AGFG1: variants seen among roughly 807,000 people sequenced by gnomAD.
AGFG1 encodes ArfGAP with FG repeats 1.
AGFG1 carries 10 observed loss-of-function variants against 60.6 expected under a neutral mutation model. The observed-to-expected ratio is 0.16, with a 90% CI of 0.10 to 0.28. The LOEUF is 0.28. Ranked by LOEUF, AGFG1 falls within the 10% of genes least tolerant of loss-of-function variation. AGFG1 has a pLI of 1.00. For synonymous variants in AGFG1, 247 were observed against 242.9 expected (o/e 1.02, Z -0.16); for missense variants, 537 against 676.5 (o/e 0.79, Z 2.29).
At chr2:227,545,392 G>A (rs1013246327) in intron 10 of AGFG1, among the ~76,000 whole-genome samples, 2 of 152,186 alleles carry the variant, frequency 1.3e-5, no homozygotes, top group African/African-American at 4.8e-5. Context: ...GCTTCCTTGC[G>A]ATAGGTTTGA....
intron 3 of AGFG1, among the ~76,000 whole-genome samples, chr2:227,522,169 C>G (rs1238252957): frequency 1.3e-5 from 2 of 152,112 alleles, no homozygotes; most frequent in Non-Finnish European, 2.9e-5. Context: ...CTGTGTTATA[C>G]TAGAAGACAT....
intron 3 of AGFG1, among the ~76,000 whole-genome samples, chr2:227,520,749 T>G (rs952282426): frequency 4.6e-5 from 7 of 152,246 alleles, no homozygotes; most frequent in Admixed American, 4.6e-4. Flanking sequence ...TTTAAGTTAC[T>G]AAGACTCATT....
At chr2:227,481,318 C>T (rs768251005) in intron 1 of AGFG1, among the ~76,000 whole-genome samples, 5 of 152,046 alleles carry the variant, frequency 3.3e-5, no homozygotes, top group Admixed American at 6.6e-5. Context: ...TCAGCAGTGT[C>T]TTGAGTTTGA....
Position 227,474,094 on chromosome 2 carries a change from G to T in AGFG1, c.167+1506G>T, listed in dbSNP as rs377663493. ...GAAGTTGCCAGTTAATAATATTCTC[G>T]AATTACTACAGAATCACAGAGCTAG... On this transcript the variant is annotated intron_variant, in intron 1 of 12. Coordinates refer to ENST00000310078, the MANE Select transcript of AGFG1 (RefSeq NM_004504.5). 1.4e-4 allele frequency among the ~76,000 whole-genome samples: 22 copies of T among 152,270 alleles called. 1 individual carries two copies. Among genetic ancestry groups the T allele is most frequent in the African/African-American group, 4.6e-4 (19 of 41,556 alleles).
chr2:227,525,049 G>A, intron 5 of AGFG1, 134 bp downstream of exon 5: 1 of 983,184 alleles, frequency 1.0e-6, no homozygotes, highest in East Asian at 2.5e-5. Flanking sequence ...CTGTTGAGCT[G>A]TAATATGTAA....
chr2:227,558,653 G>A lies in AGFG1; in HGVS notation c.*4158G>A, dbSNP rs1217914826. 6.6e-6 allele frequency: 1 copy of A among 151,964 alleles called. No individual in the cohort carries two copies. The highest frequency in any genetic ancestry group is 2.4e-5 in the African/African-American group (1 of 41,356). 9.4% of individuals were successfully genotyped at this position (151,964 alleles called of 1,614,324 possible). ...AACTTAGTGACATTAAACTTTTCAC[G>A]TGGTTGTTTGTGAACAGATGAATAT... is the stretch of plus-strand genomic sequence containing the variant. On this transcript the variant is annotated 3_prime_UTR_variant, in exon 13 of 13. Coordinates refer to ENST00000310078, the MANE Select transcript of AGFG1 (RefSeq NM_004504.5).
chr2:227,546,882 A>AT (rs1224084839), intron 10 of AGFG1, among the ~76,000 whole-genome samples: 3 of 151,970 alleles, frequency 2.0e-5, no homozygotes, highest in Non-Finnish European at 4.4e-5. Context: ...GGTTTCAAAG[A>AT]TTTTTTTTCC....
chr2:227,526,471 TAAG>T (rs1691996555), intron 5 of AGFG1, among the ~76,000 whole-genome samples: 1 of 143,984 alleles, frequency 6.9e-6, no homozygotes, highest in African/African-American at 2.6e-5. Flanking sequence ...CTCCTGACCT[TAAG>T]TGATCTACCC....
Position 227,491,648 on chromosome 2 carries a change from G to GTT in AGFG1, c.261+22_261+23dup, listed in dbSNP as rs11289047. 8.3e-4 allele frequency: 961 copies of GTT among 1,162,490 alleles called. 3 individuals carry two copies. Among genetic ancestry groups the GTT allele is most frequent in the African/African-American group, 5.1e-3 (306 of 59,422 alleles). The allele number at this position is 1,162,490 out of a possible 1,614,324, so 72.0% of individuals were successfully genotyped here. On this transcript the variant is annotated intron_variant, in intron 2 of 12. Transcript: ENST00000310078. ...CAAAAACATGGAAATGAAGTAAGTGGTTTTTTTTTTTTTTTGCAATTTTTG... is the reference window on the plus strand; with the variant it reads ...CAAAAACATGGAAATGAAGTAAGTGGTTTTTTTTTTTTTTTTTGCAATTTTTG...
chr2:227,521,898 G>A (rs2106207108), intron 3 of AGFG1, among the ~76,000 whole-genome samples: 1 of 152,250 alleles, frequency 6.6e-6, no homozygotes, highest in Middle Eastern at 3.4e-3. Context: ...GATAATAAGA[G>A]TTATACAAAT....
chr2:227,483,929 T>A (rs1030263930), intron 1 of AGFG1, among the ~76,000 whole-genome samples: 5 of 152,176 alleles, frequency 3.3e-5, no homozygotes, highest in African/African-American at 9.7e-5. Flanking sequence ...TTCTTTTTTT[T>A]ATTATACTTT....
rs1332118449 is a variant in AGFG1 at position 227,472,564 on chromosome 2, T to C, written c.143T>C (p.Val48Ala). The C allele has an allele frequency of 9.5e-6, 15 of 1,578,902 alleles. No homozygotes were observed. The highest frequency in any genetic ancestry group is 1.3e-5 in the Non-Finnish European group (15 of 1,162,160). The change falls in exon 1 of 13, where the codon GTG becomes GCG. Residue 48 changes from valine to alanine, a missense_variant. Val to Ala is a moderately conservative substitution (Grantham distance 64). Transcript: ENST00000310078. ...TYVNMTVGSF[V>A]CTSCSGSLRG... ...GTTAACATGACGGTCGGCTCCTTCGTGTGTACCTCCTGCTCCGGCAGCCTG... is the reference window on the plus strand; with the variant it reads ...GTTAACATGACGGTCGGCTCCTTCGCGTGTACCTCCTGCTCCGGCAGCCTG...
intron 8 of AGFG1, among the ~76,000 whole-genome samples, chr2:227,536,195 A>C (rs1454654295): frequency 2.3e-5 from 2 of 87,070 alleles, no homozygotes; most frequent in African/African-American, 9.2e-5. Context: ...CAGGCCCCCA[A>C]GTGTGATGTT....
intron 2 of AGFG1, among the ~76,000 whole-genome samples, chr2:227,504,792 C>T (rs1332433075): frequency 2.6e-5 from 4 of 152,146 alleles, no homozygotes; most frequent in Admixed American, 2.0e-4. Flanking sequence ...CATCAGTGAA[C>T]ATTTTTGATA....
At chr2:227,494,598 T>C (rs1394437865) in intron 2 of AGFG1, among the ~76,000 whole-genome samples, 5 of 152,208 alleles carry the variant, frequency 3.3e-5, no homozygotes, top group Non-Finnish European at 5.9e-5. Context: ...TGGAAGATGT[T>C]GCTGGCTTAA....
chr2:227,520,159 CAGTG>C (rs1691783173), intron 3 of AGFG1, 96 bp downstream of exon 3: 5 of 727,398 alleles, frequency 6.9e-6, no homozygotes, highest in Non-Finnish European at 1.1e-5. Flanking sequence ...AAAAGACAGA[CAGTG>C]AGAACTAGAT....
chr2:227,555,056 C>T lies in AGFG1; in HGVS notation c.*561C>T, dbSNP rs1198995342. ...TTTTAAAATGTAGAGGGATACCTGT[C>T]TGCATAATAAAGCTGATCATGTTTT... On this transcript the variant is annotated 3_prime_UTR_variant, in exon 13 of 13. Coordinates refer to ENST00000310078, the MANE Select transcript of AGFG1 (RefSeq NM_004504.5). 1 of 152,402 alleles carries T rather than the reference C, an allele frequency of 6.6e-6. No homozygotes were observed. The highest frequency in any genetic ancestry group is 1.9e-4 in the East Asian group (1 of 5,192). 9.4% of individuals were successfully genotyped at this position (152,402 alleles called of 1,614,324 possible).
At chr2:227,484,016 A>G (rs1042606032) in intron 1 of AGFG1, among the ~76,000 whole-genome samples, 2 of 152,128 alleles carry the variant, frequency 1.3e-5, no homozygotes, top group East Asian at 1.9e-4. Flanking sequence ...TGCTGCACCC[A>G]TTAACATTAG....
intron 1 of AGFG1, among the ~76,000 whole-genome samples, chr2:227,483,929 T>TA (rs1276693769): frequency 6.6e-6 from 1 of 152,176 alleles, no homozygotes; most frequent in East Asian, 1.9e-4. Flanking sequence ...TTCTTTTTTT[T>TA]ATTATACTTT....
Sources: allele counts gnomAD v4.1 joint callset (sites outside exome capture counted in the v4.1 genomes callset), GRCh38; gene constraint gnomAD v4.1.1; transcripts MANE v1.5; gene names NCBI Gene and HGNC (gene_info 2026-07-23, HGNC 2026-07-21).